Variants in DOCK4 observed in about 807,000 individuals in gnomAD.
DOCK4 encodes dedicator of cytokinesis protein 4.
Under a neutral mutation model 268.1 loss-of-function variants are expected in DOCK4, and 97 were observed. That is an observed-to-expected ratio of 0.36 (90% CI 0.31 to 0.43). DOCK4 has a LOEUF of 0.43. Among genes scored for constraint, DOCK4 ranks in the 20% least tolerant of loss-of-function variants. The probability of loss-of-function intolerance (pLI) is 1.00; values close to 1 mark genes in which losing one functional copy is unlikely to be tolerated. For missense variants in DOCK4, 2,145 were observed against 2,455.7 expected (o/e 0.87, Z 2.67); for synonymous variants, 954 against 887.2 (o/e 1.08, Z -1.34).
At chr7:112,136,223 A>C (rs1814332249) in intron 1 of DOCK4, among the ~76,000 whole-genome samples, 1 of 152,192 alleles carries the variant, frequency 6.6e-6, no homozygotes, top group Admixed American at 6.5e-5. Flanking sequence ...AATATGTTTT[A>C]ATATCAAAAG....
intron 13 of DOCK4, among the ~76,000 whole-genome samples, chr7:111,911,644 C>T (rs1304612392): frequency 6.6e-6 from 1 of 152,124 alleles, no homozygotes; most frequent in Non-Finnish European, 1.5e-5. Context: ...AGTTCATGCC[C>T]ATCATTAAAG....
intron 23 of DOCK4, among the ~76,000 whole-genome samples, chr7:111,859,296 T>C (rs1042449120): frequency 6.6e-6 from 1 of 152,226 alleles, no homozygotes; most frequent in Non-Finnish European, 1.5e-5. Flanking sequence ...TGTGTTGTTT[T>C]AAGCCACTAA....
At chr7:111,803,715 T>C (rs1361538827) in intron 30 of DOCK4, among the ~76,000 whole-genome samples, 1 of 152,198 alleles carries the variant, frequency 6.6e-6, no homozygotes, top group Non-Finnish European at 1.5e-5. Context: ...TACAGACGGG[T>C]AAAGTTTTGG....
chr7:112,055,575 G>A (rs748697795), intron 1 of DOCK4, among the ~76,000 whole-genome samples: 10 of 152,044 alleles, frequency 6.6e-5, no homozygotes, highest in Non-Finnish European at 1.2e-4. Context: ...GTTATTTGAG[G>A]ACCTGTTGTA....
intron 26 of DOCK4, among the ~76,000 whole-genome samples, chr7:111,832,076 T>A (rs759492303): frequency 5.9e-5 from 9 of 152,226 alleles, no homozygotes; most frequent in Non-Finnish European, 1.0e-4. Context: ...AACTGGGAAA[T>A]ACACATAAAC....
intron 1 of DOCK4, among the ~76,000 whole-genome samples, chr7:112,150,329 A>G (rs912530068): frequency 1.3e-5 from 2 of 152,150 alleles, no homozygotes; most frequent in East Asian, 1.9e-4. Flanking sequence ...TAGGTAATTT[A>G]TGGGTACAGC....
At chr7:112,193,422 C>A (rs1304965221) in intron 1 of DOCK4, among the ~76,000 whole-genome samples, 2 of 151,706 alleles carry the variant, frequency 1.3e-5, no homozygotes, top group African/African-American at 4.8e-5. Context: ...ATAGTGAGAC[C>A]CTGTTTCTAC....
chr7:111,862,204 C>T (rs1319286415), intron 23 of DOCK4, among the ~76,000 whole-genome samples: 1 of 151,856 alleles, frequency 6.6e-6, no homozygotes, highest in African/African-American at 2.4e-5. Context: ...GAGGCTAAGG[C>T]AGGACAATCG....
At position 111,742,151 on chromosome 7, in the gene DOCK4, G is replaced by GA. The variant is rs773752072; in HGVS notation, c.4678-20dup. ...TCTGTGCCTTAATTCACAACATAAGGAAAAAACCTCACATCAATGACTACC... is the reference window on the plus strand; with the variant it reads ...TCTGTGCCTTAATTCACAACATAAGGAAAAAAACCTCACATCAATGACTACC... On this transcript the variant is annotated intron_variant, in intron 44 of 52. Coordinates refer to ENST00000428084, the MANE Select transcript of DOCK4 (RefSeq NM_001363540.2). 3.6e-5 allele frequency: 56 copies of GA among 1,557,950 alleles called. No homozygotes were observed. The Admixed American group carries it at 5.6e-4, about 16-fold the overall frequency.
intron 1 of DOCK4, among the ~76,000 whole-genome samples, chr7:112,115,548 C>G (rs1397684221): frequency 6.6e-6 from 1 of 152,196 alleles, no homozygotes; most frequent in East Asian, 1.9e-4. Flanking sequence ...CCTTGCCTCA[C>G]TCCTCACTGT....
At chr7:111,754,922 G>A (rs911208966) in intron 42 of DOCK4, among the ~76,000 whole-genome samples, 4 of 152,162 alleles carry the variant, frequency 2.6e-5, no homozygotes, top group Admixed American at 6.5e-5. Context: ...GTAACAACAC[G>A]GACTTACTGT....
At chr7:111,985,547 T>C (rs1342368220) in intron 6 of DOCK4, among the ~76,000 whole-genome samples, 1 of 152,208 alleles carries the variant, frequency 6.6e-6, no homozygotes, top group Non-Finnish European at 1.5e-5. Context: ...AATTTATTAA[T>C]TCAGCACCTA....
intron 1 of DOCK4, among the ~76,000 whole-genome samples, chr7:112,113,024 G>A (rs2115731796): frequency 6.6e-6 from 1 of 152,130 alleles, no homozygotes; most frequent in East Asian, 1.9e-4. Context: ...AGGCAGGAGT[G>A]GATTACTAAT....
intron 1 of DOCK4, among the ~76,000 whole-genome samples, chr7:112,043,672 G>A (rs1291166612): frequency 6.6e-6 from 1 of 151,918 alleles, no homozygotes; most frequent in Non-Finnish European, 1.5e-5. Flanking sequence ...CAGTAGATGC[G>A]AATGTCAGGG....
intron 8 of DOCK4, among the ~76,000 whole-genome samples, chr7:111,959,008 G>A (rs570522388): frequency 1.3e-5 from 2 of 152,222 alleles, no homozygotes; most frequent in South Asian, 2.1e-4. Context: ...CCGCAAATCT[G>A]ATTAACTCTG....
intron 50 of DOCK4, 131 bp downstream of exon 50, chr7:111,736,786 A>G: frequency 1.2e-6 from 1 of 818,240 alleles, no homozygotes; most frequent in Non-Finnish European, 2.1e-6. Flanking sequence ...TTAATCCCTT[A>G]AAGAGCATAC....
intron 12 of DOCK4, among the ~76,000 whole-genome samples, chr7:111,920,976 T>C (rs1793080888): frequency 6.6e-6 from 1 of 151,972 alleles, no homozygotes; most frequent in South Asian, 2.1e-4. Flanking sequence ...AATTAAAATT[T>C]CATAAAATTT....
At chr7:112,009,765 G>GA (rs542399569) in intron 1 of DOCK4, among the ~76,000 whole-genome samples, 202 of 152,076 alleles carry the variant, frequency 1.3e-3, no homozygotes, top group African/African-American at 4.5e-3. Flanking sequence ...ATAAGATTTG[G>GA]AAAAAACAGA....
At chr7:111,761,213 C>T (rs1022649004) in intron 39 of DOCK4, among the ~76,000 whole-genome samples, 1 of 152,096 alleles carries the variant, frequency 6.6e-6, no homozygotes, top group African/African-American at 2.4e-5. Flanking sequence ...GTGTGCACTA[C>T]CATGCCCAGC....
Sources: allele counts gnomAD v4.1 joint callset (sites outside exome capture counted in the v4.1 genomes callset), GRCh38; gene constraint gnomAD v4.1.1; transcripts MANE v1.5; gene names NCBI Gene and HGNC (gene_info 2026-07-23, HGNC 2026-07-21).